Variants in ZNF479 observed in about 807,000 individuals in gnomAD.
The protein encoded by ZNF479 is zinc finger protein 479, also known as KRAB zinc finger protein KR19.
ZNF479 carries 15 observed loss-of-function variants against 14.7 expected under a neutral mutation model. The observed-to-expected ratio is 1.02, with a 90% CI of 0.68 to 1.57. The LOEUF is 1.57. Among genes scored for constraint, ZNF479 ranks in the 40% most tolerant of loss-of-function variants. ZNF479 has a pLI of 0.00. For missense variants in ZNF479, 506 were observed against 615.1 expected (o/e 0.82, Z 1.88); for synonymous variants, 145 against 211.5 (o/e 0.69, Z 2.73).
At chr7:57,122,525 A>C (rs752413817) in intron 3 of ZNF479, among the ~76,000 whole-genome samples, 1 of 152,088 alleles carries the variant, frequency 6.6e-6, no homozygotes, top group African/African-American at 2.4e-5. Flanking sequence ...AAATACTTTT[A>C]GTTATTCTTT....
rs1305431802 is a variant in ZNF479, at chr7:57,119,357, T to C, written c.*483A>G. On this transcript the variant is annotated 3_prime_UTR_variant, in exon 4 of 4. Transcript: ENST00000319636. The stretch of plus-strand genomic sequence containing the variant: ...TAGGGTCTCTGTAATATAAGTTCTC[T>C]TAGGCTTTGGGAGGCTGACAAAGGT... Among the ~76,000 whole-genome samples, 3 of 152,128 alleles carry C rather than the reference T, an allele frequency of 2.0e-5. No homozygotes were observed. Among genetic ancestry groups the C allele is most frequent in the Non-Finnish European group, 2.9e-5 (2 of 68,020 alleles).
At chr7:57,133,604 C>A (rs1488569487), upstream of ZNF479, among the ~76,000 whole-genome samples, 3 of 152,128 alleles carry the variant, frequency 2.0e-5, no homozygotes, top group Non-Finnish European at 2.9e-5. Context: ...CAGTGGCTCA[C>A]GCCTGTAATC....
At chr7:57,137,557 G>A (rs931786962) in intron 1 of ZNF479, among the ~76,000 whole-genome samples, 9 of 152,134 alleles carry the variant, frequency 5.9e-5, no homozygotes, top group South Asian at 4.1e-4. Context: ...AGGCATTTTC[G>A]GTGCAACTCA....
chr7:57,129,192 T>C (rs1454313896), intron 1 of ZNF479, among the ~76,000 whole-genome samples: 3 of 152,230 alleles, frequency 2.0e-5, no homozygotes, highest in Non-Finnish European at 4.4e-5. Flanking sequence ...GACCTCTTCC[T>C]ACCAAACTGA....
intron 1 of ZNF479, among the ~76,000 whole-genome samples, chr7:57,127,067 G>A (rs1488776319): frequency 7.2e-6 from 1 of 138,834 alleles, no homozygotes; most frequent in African/African-American, 2.6e-5. Flanking sequence ...CTGTTGCCCA[G>A]GCTGGAGTGC....
At chr7:57,123,622 C>G (rs1337947831) in intron 3 of ZNF479, among the ~76,000 whole-genome samples, 1 of 151,980 alleles carries the variant, frequency 6.6e-6, no homozygotes, top group Non-Finnish European at 1.5e-5. Flanking sequence ...TCACTTGGGG[C>G]AAGAAGTTTG....
chr7:57,125,190 A>T (rs1433072680), intron 3 of ZNF479, among the ~76,000 whole-genome samples: 2 of 152,376 alleles, frequency 1.3e-5, no homozygotes, highest in South Asian at 2.1e-4. Flanking sequence ...TGCAAAACAT[A>T]ATCACAATAC....
At chr7:57,127,077 C>G (rs1245735112) in intron 1 of ZNF479, among the ~76,000 whole-genome samples, 8 of 138,364 alleles carry the variant, frequency 5.8e-5, no homozygotes. Context: ...GGCTGGAGTG[C>G]AGTGGTATGA....
Position 57,132,331 on chromosome 7 carries a change from G to A in ZNF479, c.-7C>T, listed in dbSNP as rs769263025. On this transcript the variant is annotated 5_prime_UTR_variant, in exon 1 of 4. Transcript: ENST00000319636. The stretch of plus-strand genomic sequence containing the variant: ...GTCCTGGTCTTTTAGCCATAAATCT[G>A]CAGATACCTGCAGGACACAAGGACA... 5.0e-6 allele frequency: 8 copies of A among 1,614,016 alleles called. No homozygotes were observed. Among genetic ancestry groups the A allele is most frequent in the Non-Finnish European group, 6.8e-6 (8 of 1,180,002 alleles).
rs376734303 is a variant in ZNF479, at chr7:57,126,715, G to C, written c.43C>G (p.Leu15Val). The change falls in exon 2 of 4, where the codon CTG (leucine) becomes GTG (valine). Residue 15 changes from leucine (L) to valine (V), a missense_variant. Physicochemically the swap from Leu to Val is conservative, Grantham distance 32. This residue lies in a region of ZNF479 where 420 missense variants were observed against 474.2 expected (regional missense o/e 0.89). Coordinates refer to ENST00000319636, the MANE Select transcript of ZNF479 (RefSeq NM_001370129.2). ...PGPPGSREMGLLTFRDIAIEF... is the reference protein window; with the variant it reads ...PGPPGSREMGVLTFRDIAIEF... ...ATAGCTATGTCTCTGAATGTCAACA[G>C]TCCCTGGAAAACAAACAAACAAAAC... 1 of 1,614,052 alleles carries C rather than the reference G, an allele frequency of 6.2e-7. No homozygotes were observed. The highest frequency in any genetic ancestry group is 1.3e-5 in the African/African-American group (1 of 75,042).
Position 57,125,109 on chromosome 7 carries a change from T to C in ZNF479, c.262+909A>G, listed in dbSNP as rs569916842. On this transcript the variant is annotated intron_variant, in intron 3 of 3. Transcript: ENST00000319636. Reference sequence around the variant, plus strand: ...AATGGAAAAATGATTAAACTAAATTTTAATAAAAAAGATATACAAATGGGA... The same window carrying C: ...AATGGAAAAATGATTAAACTAAATTCTAATAAAAAAGATATACAAATGGGA... 7.2e-5 allele frequency among the ~76,000 whole-genome samples: 11 copies of C among 152,198 alleles called. No individual in the cohort carries two copies. In the East Asian group the frequency reaches 2.1e-3, roughly 29 times the overall value.
At position 57,120,482 on chromosome 7, in the gene ZNF479, G is replaced by A. The variant is rs1554400128; in HGVS notation, c.933C>T (p.Thr311=). ...TATGAATTCTCTTGTGGTCAGTGAG[G>A]GTTGAGGATACGCTAAAGGCTTTGC... The part of the protein sequence containing the change: ...ECGKAFSVSS[T]LTDHKRIHTG... The change falls in exon 4 of 4, where the codon ACC becomes ACT. Residue 311 remains threonine, a synonymous_variant. Transcript: ENST00000319636. 1.9e-6 allele frequency: 3 copies of A among 1,609,866 alleles called. No homozygotes were observed. The highest frequency in any genetic ancestry group is 2.2e-5 in the East Asian group (1 of 44,616).
chr7:57,136,015 T>TCTCTCTC (rs1786640769), upstream of ZNF479, among the ~76,000 whole-genome samples: 1 of 114,352 alleles, frequency 8.7e-6, no homozygotes, highest in African/African-American at 3.9e-5. Context: ...CTCTCTCTCT[T>TCTCTCTC]TCCTTTCCTA....
At chr7:57,136,528 G>A (rs1450496006), upstream of ZNF479, among the ~76,000 whole-genome samples, 1 of 152,140 alleles carries the variant, frequency 6.6e-6, no homozygotes, top group Non-Finnish European at 1.5e-5. Flanking sequence ...TTTTCTCTTG[G>A]TTTCTACCAT....
intron 3 of ZNF479, among the ~76,000 whole-genome samples, 182 bp from the exon 4 acceptor site, chr7:57,121,334 T>C (rs1260669253): frequency 6.6e-6 from 1 of 152,158 alleles, no homozygotes; most frequent in African/African-American, 2.4e-5. Context: ...AATACCTTTG[T>C]TGGAAATTTA....
intron 1 of ZNF479, among the ~76,000 whole-genome samples, chr7:57,131,424 C>T (rs1786411615): frequency 6.6e-6 from 1 of 151,746 alleles, no homozygotes; most frequent in East Asian, 1.9e-4. Context: ...TTAGTTGGGC[C>T]TGGTGGCACA....
chr7:57,135,961 ATCTCTCTCTCAATCTCTCTCTC>A (rs1432183302), upstream of ZNF479, among the ~76,000 whole-genome samples: 392 of 108,860 alleles, frequency 3.6e-3, 2 homozygotes, highest in African/African-American at 0.015. Flanking sequence ...GCCATAGGCA[ATCTCTCTCTCAATCTCTCTCTC>A]TCTCTCTCTC....
At chr7:57,133,462 C>CTAA (rs552972480), upstream of ZNF479, among the ~76,000 whole-genome samples, 78 of 152,164 alleles carry the variant, frequency 5.1e-4, no homozygotes, top group East Asian at 0.015. Context: ...TGAAAATGGA[C>CTAA]TAATACATGC....
upstream of ZNF479, among the ~76,000 whole-genome samples, chr7:57,136,785 T>C (rs1269540444): frequency 1.3e-5 from 2 of 152,236 alleles, no homozygotes; most frequent in Non-Finnish European, 2.9e-5. Flanking sequence ...TGAATATTTG[T>C]TGATTCTCTT....
Sources: gnomAD v4.1 joint callset for allele counts (sites outside exome capture counted in the v4.1 genomes callset) on GRCh38, gnomAD v4.1.1 for gene constraint, gnomAD v4.1.1 regional missense constraint, MANE v1.5 for transcripts, NCBI Gene and HGNC (gene_info 2026-07-23, HGNC 2026-07-21) for gene names.